Variants in KANSL1 observed in about 807,000 individuals in gnomAD.
KANSL1 encodes the protein KAT8 regulatory NSL complex subunit 1, also known as MLL1/MLL complex subunit KANSL1.
In KANSL1, 22 loss-of-function variants were observed where a neutral mutation model predicts 103.6. The ratio of observed to expected loss-of-function variants is 0.21; its 90% CI spans 0.15 to 0.30. KANSL1 has a LOEUF of 0.30. Ranked by LOEUF, KANSL1 falls within the 10% of genes least tolerant of loss-of-function variation. The probability of loss-of-function intolerance (pLI) is 1.00; values close to 1 mark genes in which losing one functional copy is unlikely to be tolerated. For missense variants in KANSL1, 1,337 were observed against 1,399.8 expected, an observed-to-expected ratio of 0.96 and a Z score of 0.72; for synonymous variants, 600 against 527.6, an observed-to-expected ratio of 1.14 and a Z score of -1.88.
intron 1 of KANSL1, among the ~76,000 whole-genome samples, chr17:46,220,584 T>G (rs936207016): frequency 1.3e-5 from 2 of 152,282 alleles, no homozygotes; most frequent in Non-Finnish European, 1.5e-5. Context: ...AAAGATATAA[T>G]GCAATGAGAA....
chr17:46,127,498 G>A (rs890981240), intron 2 of KANSL1, among the ~76,000 whole-genome samples: 2 of 152,222 alleles, frequency 1.3e-5, no homozygotes, highest in Non-Finnish European at 2.9e-5. Flanking sequence ...TTTTATGGGC[G>A]TGGTGGCTCA....
intron 2 of KANSL1, among the ~76,000 whole-genome samples, chr17:46,105,865 TCACACACA>T (rs373943708): frequency 1.5e-4 from 20 of 134,588 alleles, no homozygotes; most frequent in Admixed American, 2.2e-4. Flanking sequence ...AGCAAGACCT[TCACACACA>T]CACACACACA....
chr17:46,143,388 G>A (rs1055478027), intron 2 of KANSL1, among the ~76,000 whole-genome samples: 1 of 152,218 alleles, frequency 6.6e-6, no homozygotes, highest in Non-Finnish European at 1.5e-5. Context: ...CAGCTACTCA[G>A]AAAGCTGAGG....
At chr17:46,165,426 G>A (rs568812604) in intron 2 of KANSL1, among the ~76,000 whole-genome samples, 9 of 152,200 alleles carry the variant, frequency 5.9e-5, no homozygotes, top group African/African-American at 9.6e-5. Flanking sequence ...TAGAGACGGC[G>A]TTTCACCGTG....
intron 2 of KANSL1, chr17:46,119,965 T>C (rs1567697174): frequency 6.6e-6 from 1 of 152,268 alleles, no homozygotes; most frequent in Admixed American, 6.5e-5. Context: ...AGACCTTACC[T>C]ACCTCTTGGA....
chr17:46,066,754 T>C (rs1303051641), intron 5 of KANSL1, 22 bp from the exon 6 acceptor site: 18 of 1,568,718 alleles, frequency 1.1e-5, no homozygotes, highest in Non-Finnish European at 1.6e-5. Flanking sequence ...GAAGGAAGAG[T>C]ATTCTCAGAA....
intron 6 of KANSL1, among the ~76,000 whole-genome samples, chr17:46,062,355 C>CTTTTT (rs34577730): frequency 2.2e-4 from 21 of 95,464 alleles, no homozygotes; most frequent in East Asian, 1.8e-3. Context: ...ATAACAACAG[C>CTTTTT]TTTTTTTTTT....
intron 3 of KANSL1, among the ~76,000 whole-genome samples, chr17:46,087,957 T>C (rs1404018173): frequency 6.6e-6 from 1 of 152,240 alleles, no homozygotes; most frequent in South Asian, 2.1e-4. Flanking sequence ...CAGTGTTGAA[T>C]AGCTGTGCCA....
chr17:46,092,714 TTGGGG>T (rs2079450157), intron 3 of KANSL1, among the ~76,000 whole-genome samples: 1 of 33,040 alleles, frequency 3.0e-5, no homozygotes, highest in African/African-American at 1.3e-4. Flanking sequence ...TTTTTTTTTT[TTGGGG>T]GGGGGGGGGG....
Position 46,032,251 on chromosome 17 carries a change from G to T in KANSL1, c.2886C>A (p.Ala962=), listed in dbSNP as rs763570104. 1 of 1,555,708 alleles carries T rather than the reference G, an allele frequency of 6.4e-7. No homozygotes were observed. Among genetic ancestry groups the T allele is most frequent in the Non-Finnish European group, 8.7e-7 (1 of 1,148,096 alleles). Residue 962 remains alanine, a synonymous_variant, in exon 14 of 15, where the codon GCC becomes GCA. Coordinates refer to ENST00000432791, the MANE Select transcript of KANSL1 (RefSeq NM_015443.4). ...AGGCAGGCTGGGGGGTGGAGGGGTT[G>T]GCACTGCCCAGCTGGGGGGTTGTCC... ...DGRTTPQLGS[A]NPSTPQPASP...
chr17:46,119,304 A>G (rs370232055), intron 2 of KANSL1, among the ~76,000 whole-genome samples: 2 of 146,108 alleles, frequency 1.4e-5, no homozygotes, highest in Admixed American at 7.2e-5. Context: ...CTGGCTCCAG[A>G]GTCCTCAATT....
At chr17:46,051,857 CT>C (rs2077722103) in intron 6 of KANSL1, among the ~76,000 whole-genome samples, 1 of 152,184 alleles carries the variant, frequency 6.6e-6, no homozygotes, top group Non-Finnish European at 1.5e-5. Flanking sequence ...ACAATGTGGT[CT>C]TTATCAACAT....
intron 2 of KANSL1, among the ~76,000 whole-genome samples, chr17:46,118,245 C>CA (rs35725668): frequency 1.3e-5 from 2 of 152,064 alleles, no homozygotes; most frequent in Non-Finnish European, 2.9e-5. Flanking sequence ...ACAAGTGTGT[C>CA]AAAAAAAATT....
At chr17:46,033,284 A>C in intron 12 of KANSL1, 92 bp from the exon 13 acceptor site, 1 of 1,434,388 alleles carries the variant, frequency 7.0e-7, no homozygotes, top group Non-Finnish European at 9.7e-7. Context: ...TCACGACAGG[A>C]ATACAAGGAG....
chr17:46,125,610 T>A (rs146489916), intron 2 of KANSL1, among the ~76,000 whole-genome samples: 7 of 152,338 alleles, frequency 4.6e-5, no homozygotes, highest in Admixed American at 4.6e-4. Flanking sequence ...TACCAAATCA[T>A]ATATACAGTG....
chr17:46,137,533 G>A (rs1330415269), intron 2 of KANSL1, among the ~76,000 whole-genome samples: 1 of 152,136 alleles, frequency 6.6e-6, no homozygotes, highest in East Asian at 1.9e-4. Context: ...TGTCATAAAA[G>A]TTTTCAGTGT....
At chr17:46,159,343 G>C (rs918900748) in intron 2 of KANSL1, among the ~76,000 whole-genome samples, 1 of 152,214 alleles carries the variant, frequency 6.6e-6, no homozygotes, top group African/African-American at 2.4e-5. Flanking sequence ...CAGTTGTCCA[G>C]AATTCTTTCT....
chr17:46,220,219 A>ATTTTT (rs113260952), intron 1 of KANSL1, among the ~76,000 whole-genome samples: 24 of 145,980 alleles, frequency 1.6e-4, no homozygotes, highest in Non-Finnish European at 3.0e-4. Flanking sequence ...GTTCTTTAAA[A>ATTTTT]TTTTTTTTTT....
intron 1 of KANSL1, among the ~76,000 whole-genome samples, chr17:46,189,822 G>A (rs1243139418): frequency 4.0e-5 from 6 of 149,888 alleles, no homozygotes; most frequent in African/African-American, 9.9e-5. Flanking sequence ...CACGAGAATC[G>A]CTTGAACCTG....
Sources: gnomAD v4.1 joint callset for allele counts (sites outside exome capture counted in the v4.1 genomes callset) on GRCh38, gnomAD v4.1.1 for gene constraint, MANE v1.5 for transcripts, NCBI Gene and HGNC (gene_info 2026-07-23, HGNC 2026-07-21) for gene names.